HECTD4: variants seen among roughly 807,000 people sequenced by gnomAD.
The protein encoded by HECTD4 is probable E3 ubiquitin-protein ligase HECTD4.
A neutral mutation model predicts 471.5 loss-of-function variants in HECTD4; 114 were observed. The ratio of observed to expected loss-of-function variants is 0.24; its 90% CI spans 0.21 to 0.28. The LOEUF is 0.28. HECTD4 is among the 10% of genes least tolerant of loss of function. The probability of loss-of-function intolerance (pLI) is 1.00; values close to 1 mark genes in which losing one functional copy is unlikely to be tolerated. For missense variants in HECTD4, 3,866 were observed against 5,651.5 expected (o/e 0.68, Z 10.13); for synonymous variants, 2,012 against 2,256.0 (o/e 0.89, Z 3.07).
At chr12:112,326,930 A>T (rs2035757836) in intron 1 of HECTD4, among the ~76,000 whole-genome samples, 1 of 152,210 alleles carries the variant, frequency 6.6e-6, no homozygotes, top group Non-Finnish European at 1.5e-5. Context: ...TATTTCTAGG[A>T]ATTTGTCCTA....
At chr12:112,347,956 A>C (rs143540227) in intron 1 of HECTD4, among the ~76,000 whole-genome samples, 1 of 152,308 alleles carries the variant, frequency 6.6e-6, no homozygotes, top group East Asian at 1.9e-4. Flanking sequence ...CTGTCACCTC[A>C]TGGGCTCTGC....
rs1000805010 is a variant in HECTD4, at chr12:112,308,973, T to G, written c.1026-82A>C. On this transcript the variant is annotated intron_variant, in intron 5 of 75. Coordinates refer to ENST00000682272, the MANE Select transcript of HECTD4 (RefSeq NM_001388303.1). ...CAAGCTACAACAGACACAAACAACATTTTCGACCTAATTTTAAAAAATGAG... is the reference window on the plus strand; with the variant it reads ...CAAGCTACAACAGACACAAACAACAGTTTCGACCTAATTTTAAAAAATGAG... 5 of 1,374,280 alleles carry G rather than the reference T, an allele frequency of 3.6e-6. No individual in the cohort carries two copies. In the African/African-American group the frequency reaches 7.3e-5, roughly 20 times the overall value. 85.1% of individuals were successfully genotyped at this position (1,374,280 alleles called of 1,614,324 possible).
At chr12:112,376,044 C>T (rs1358488173) in intron 1 of HECTD4, among the ~76,000 whole-genome samples, 21 of 151,920 alleles carry the variant, frequency 1.4e-4, no homozygotes. Context: ...CCATTGCACC[C>T]TAGGTTGGGC....
intron 45 of HECTD4, 109 bp from the exon 46 acceptor site, chr12:112,217,304 C>A: frequency 1.7e-6 from 1 of 592,286 alleles, no homozygotes; most frequent in Non-Finnish European, 2.7e-6. Context: ...TAGGCATACA[C>A]ACACACACAC....
At position 112,217,027 on chromosome 12, in the gene HECTD4, G is replaced by A; in HGVS notation, c.7236+7C>T. 6.3e-7 allele frequency: 1 copy of A among 1,586,186 alleles called. No individual in the cohort carries two copies. The highest frequency in any genetic ancestry group is 8.6e-7 in the Non-Finnish European group (1 of 1,161,190). On this transcript the variant is annotated splice_region_variant and intron_variant, in intron 46 of 75. Coordinates refer to ENST00000682272, the MANE Select transcript of HECTD4 (RefSeq NM_001388303.1). ...TGCAAAAGACAGTGTGTCATGTGATGTCTCACCTGAACTGGCAGTGGTGAA... is the reference window on the plus strand; with the variant it reads ...TGCAAAAGACAGTGTGTCATGTGATATCTCACCTGAACTGGCAGTGGTGAA...
chr12:112,247,503 G>A lies in HECTD4; in HGVS notation c.4296C>T (p.Ser1432=). The change falls in exon 28 of 76, where the codon TCC becomes TCT. Residue 1432 remains serine, a synonymous_variant. Transcript: ENST00000682272. ...TGTTTTCAAGATCATTCCCATCAAAGGAGACTTCCTTCATTGAACATAAAA... is the reference window on the plus strand; with the variant it reads ...TGTTTTCAAGATCATTCCCATCAAAAGAGACTTCCTTCATTGAACATAAAA... ...LELLCSMKEV[S]FDGNDLENMV... is the part of the protein sequence containing the mutation. The A allele has an allele frequency of 6.5e-7, 1 of 1,542,806 alleles. No individual in the cohort carries two copies. Among genetic ancestry groups the A allele is most frequent in the Non-Finnish European group, 8.8e-7 (1 of 1,141,548 alleles).
At position 112,200,620 on chromosome 12, in the gene HECTD4, A is replaced by C; in HGVS notation, c.8567+18T>G. ...GGTGGATTTCTGTGACCCAGTAGAA[A>C]GAAGGGCCCAATTGTACCTGTGAAT... On this transcript the variant is annotated intron_variant, in intron 55 of 75. Coordinates refer to ENST00000682272, the MANE Select transcript of HECTD4 (RefSeq NM_001388303.1). 6.2e-7 allele frequency: 1 copy of C among 1,600,804 alleles called. No homozygotes were observed. Among genetic ancestry groups the C allele is most frequent in the East Asian group, 2.2e-5 (1 of 44,600 alleles).
chr12:112,252,688 A>T, intron 22 of HECTD4, 160 bp from the exon 23 acceptor site: 1 of 827,678 alleles, frequency 1.2e-6, no homozygotes, highest in Non-Finnish European at 1.8e-6. Context: ...CCTCTCATTT[A>T]GACAACCAGT....
rs770508956 is a variant in HECTD4 at position 112,228,224 on chromosome 12, T to G, written c.6719A>C (p.Lys2240Thr). 6.2e-7 allele frequency: 1 copy of G among 1,612,590 alleles called. No homozygotes were observed. Among genetic ancestry groups the G allele is most frequent in the Non-Finnish European group, 8.5e-7 (1 of 1,179,400 alleles). The change falls in exon 43 of 76, where the codon AAG becomes ACG. Residue 2240 changes from lysine (K) to threonine (T), a missense_variant. Physicochemically the swap from Lys to Thr is moderately conservative, Grantham distance 78. This residue lies in a region of HECTD4 where 617 missense variants were observed against 915.1 expected (regional missense o/e 0.67). Transcript: ENST00000682272. The surrounding 1 kb of genome is among the most constrained non-coding windows in gnomAD (Gnocchi z 4.9). ...LPLHKLSITE[K>T]VVQAVQSMLL... ...CATGGACTGGACTGCCTGTACTACC[T>G]TCTCAGTAATGGACAGTTTATGAAG...
At chr12:112,295,782 C>T (rs1053166364) in intron 7 of HECTD4, among the ~76,000 whole-genome samples, 18 of 150,902 alleles carry the variant, frequency 1.2e-4, no homozygotes, top group Admixed American at 2.6e-4. Flanking sequence ...GCTGGGACTA[C>T]GGACATGCAC....
rs898654841 is a variant in HECTD4 at position 112,358,140 on chromosome 12, G to A, written c.177+23812C>T. Among the ~76,000 whole-genome samples the A allele has an allele frequency of 2.0e-5, 3 of 152,104 alleles. No homozygotes were observed. The South Asian group carries it at 6.2e-4, about 32-fold the overall frequency. The stretch of plus-strand genomic sequence containing the variant: ...AATTGCTTGAACCTGGGAGGCGTAG[G>A]TTGCAATGAGCCAACATCACGCCAC... On this transcript the variant is annotated intron_variant, in intron 1 of 75. Coordinates refer to ENST00000682272, the MANE Select transcript of HECTD4 (RefSeq NM_001388303.1).
intron 1 of HECTD4, among the ~76,000 whole-genome samples, chr12:112,348,634 C>T (rs983914534): frequency 1.3e-4 from 19 of 151,990 alleles, no homozygotes; most frequent in Admixed American, 1.3e-4. Flanking sequence ...GTGGTGTGTG[C>T]GTATAGTCCC....
chr12:112,168,059 C>T (rs1248752054), intron 70 of HECTD4, 142 bp from the exon 71 acceptor site: 1 of 704,206 alleles, frequency 1.4e-6, no homozygotes, highest in African/African-American at 1.8e-5. Context: ...GAAGCCACCC[C>T]AGGCCTGGGA....
chr12:112,367,356 C>T (rs1470588689), intron 1 of HECTD4, among the ~76,000 whole-genome samples: 3 of 148,840 alleles, frequency 2.0e-5, no homozygotes, highest in Non-Finnish European at 4.5e-5. Flanking sequence ...GAAAACAAAA[C>T]AAAAGGCTGA....
chr12:112,256,689 G>C (rs991939243), intron 20 of HECTD4, 171 bp from the exon 21 acceptor site: 3 of 414,654 alleles, frequency 7.2e-6, no homozygotes, highest in African/African-American at 6.2e-5. Context: ...CTACATTTAA[G>C]GGTTTTTTCT....
chr12:112,333,672 C>T (rs1003225715), intron 1 of HECTD4, among the ~76,000 whole-genome samples: 1 of 151,972 alleles, frequency 6.6e-6, no homozygotes, highest in Non-Finnish European at 1.5e-5. Context: ...AGCAAAATCC[C>T]TGTATCTATT....
At position 112,306,047 on chromosome 12, in the gene HECTD4, A is replaced by G; in HGVS notation, c.1335+17T>C. 6.3e-7 allele frequency: 1 copy of G among 1,586,422 alleles called. No homozygotes were observed. The highest frequency in any genetic ancestry group is 8.5e-7 in the Non-Finnish European group (1 of 1,169,858). ...AAATGTTTCTGCAAAGATACAAGCGAGAAAGTTCAAACTTACCACAAGTTC... is the reference window on the plus strand; with the variant it reads ...AAATGTTTCTGCAAAGATACAAGCGGGAAAGTTCAAACTTACCACAAGTTC... On this transcript the variant is annotated intron_variant, in intron 7 of 75. Transcript: ENST00000682272.
intron 37 of HECTD4, among the ~76,000 whole-genome samples, chr12:112,233,368 T>G (rs1217114441): frequency 6.6e-6 from 1 of 151,640 alleles, no homozygotes; most frequent in Non-Finnish European, 1.5e-5. Context: ...GACCACAGGT[T>G]CATGCCACTA....
intron 1 of HECTD4, among the ~76,000 whole-genome samples, chr12:112,334,599 C>A (rs2035907019): frequency 6.7e-6 from 1 of 148,620 alleles, no homozygotes; most frequent in African/African-American, 2.5e-5. Flanking sequence ...TCGAGACCAG[C>A]CTGGTCAACA....
Sources: gnomAD v4.1 joint callset for allele counts (sites outside exome capture counted in the v4.1 genomes callset) on GRCh38, gnomAD v4.1.1 for gene constraint, gnomAD v4.1.1 regional missense constraint, Gnocchi (gnomAD v3.1) non-coding constraint, MANE v1.5 for transcripts, NCBI Gene and HGNC (gene_info 2026-07-23, HGNC 2026-07-21) for gene names.